ACTR3C: variants seen among roughly 807,000 people sequenced by gnomAD.
ACTR3C encodes actin related protein 3C, also known as actin-related protein 3C.
A neutral mutation model predicts 26.3 loss-of-function variants in ACTR3C; 18 were observed. That is an observed-to-expected ratio of 0.68 (90% CI 0.47 to 1.01). The LOEUF is 1.01. ACTR3C is among the 50% of genes least tolerant of loss of function. The pLI is 0.00. For missense variants in ACTR3C, 184 were observed against 250.7 expected, an observed-to-expected ratio of 0.73 and a Z score of 1.80; for synonymous variants, 55 against 94.5, an observed-to-expected ratio of 0.58 and a Z score of 2.42.
At chr7:150,039,553 G>GT in the ACTR3C span, among the ~76,000 whole-genome samples, 1 of 125,674 alleles carries the variant, frequency 8.0e-6, no homozygotes, top group Non-Finnish European at 1.8e-5. Flanking sequence ...CAGAGCCAGG[G>GT]GGGGAAGAGG....
chr7:150,291,117 C>T (rs145874205), intron 3 of ACTR3C, among the ~76,000 whole-genome samples: 8 of 151,880 alleles, frequency 5.3e-5, no homozygotes, highest in South Asian at 2.1e-4. Context: ...TGCATGCATG[C>T]GTGCACACAC....
At chr7:149,915,127 C>T in the ACTR3C span, among the ~76,000 whole-genome samples, 6 of 152,062 alleles carry the variant, frequency 3.9e-5, no homozygotes, top group Non-Finnish European at 8.8e-5. Context: ...CGATCCACCT[C>T]GGCCTCCCAA....
chr7:150,024,404 T>G, the ACTR3C span, among the ~76,000 whole-genome samples: 1 of 151,066 alleles, frequency 6.6e-6, no homozygotes, highest in Non-Finnish European at 1.5e-5. Context: ...AGCGTGTGGG[T>G]CCCCCGGCTC....
At chr7:150,145,276 C>T in the ACTR3C span, among the ~76,000 whole-genome samples, 17 of 152,192 alleles carry the variant, frequency 1.1e-4, no homozygotes, top group East Asian at 2.9e-3. Context: ...TGAAGGGCTC[C>T]CCTGGAGAGG....
In ACTR3C at chr7:150,279,656, C is replaced by T. The variant is rs546893911; in HGVS notation, c.564+5097G>A. ...CATCTGCCCACTCTCCTTCTATCTG[C>T]GCTCATTATCTTCCCTCCACCTGGC... On this transcript the variant is annotated intron_variant, in intron 6 of 7. Coordinates refer to ENST00000683684, the MANE Select transcript of ACTR3C (RefSeq NM_001164458.2). Among the ~76,000 whole-genome samples the T allele has an allele frequency of 5.3e-3, 813 of 152,170 alleles. 6 individuals carry two copies. The highest frequency in any genetic ancestry group is 0.018 in the African/African-American group (762 of 41,472).
the ACTR3C span, among the ~76,000 whole-genome samples, chr7:150,164,923 G>C: frequency 6.6e-6 from 1 of 152,156 alleles, no homozygotes; most frequent in African/African-American, 2.4e-5. Context: ...CGCTGGTTTT[G>C]GAATTGAGCT....
the ACTR3C span, among the ~76,000 whole-genome samples, chr7:150,026,835 A>G: frequency 6.6e-6 from 1 of 152,294 alleles, no homozygotes; most frequent in South Asian, 2.1e-4. Context: ...CCTTTTGCCA[A>G]TTAGCATGTC....
chr7:150,279,778 A>G (rs58431502), intron 6 of ACTR3C, among the ~76,000 whole-genome samples: 3,589 of 152,286 alleles, frequency 0.024, 131 homozygotes, highest in African/African-American at 0.082. Context: ...ATTAAATGCA[A>G]TCTGCCCCTT....
the ACTR3C span, among the ~76,000 whole-genome samples, chr7:150,107,672 T>C: frequency 1.3e-5 from 2 of 151,792 alleles, no homozygotes; most frequent in African/African-American, 2.4e-5. Flanking sequence ...AATGTGAATA[T>C]AGAATTACCA....
the ACTR3C span, among the ~76,000 whole-genome samples, chr7:150,116,654 A>C: frequency 1.1e-3 from 169 of 152,252 alleles, 1 homozygote; most frequent in Non-Finnish European, 6.8e-4. Context: ...GATACCCACA[A>C]ATTTGCTGTG....
At chr7:150,093,673 A>G in the ACTR3C span, among the ~76,000 whole-genome samples, 1 of 150,686 alleles carries the variant, frequency 6.6e-6, no homozygotes, top group Non-Finnish European at 1.5e-5. Context: ...CTAAACAACC[A>G]GTAGTTTGGG....
the ACTR3C span, among the ~76,000 whole-genome samples, chr7:150,178,575 C>T: frequency 6.7e-6 from 1 of 150,338 alleles, no homozygotes; most frequent in South Asian, 2.1e-4. Context: ...TGAGCCACTG[C>T]ACTCTGCCAG....
chr7:150,275,425 C>T (rs1834792504), intron 6 of ACTR3C, among the ~76,000 whole-genome samples: 1 of 152,206 alleles, frequency 6.6e-6, no homozygotes, highest in Non-Finnish European at 1.5e-5. Flanking sequence ...ACATAAACAG[C>T]GACAACCAGG....
At chr7:150,039,388 A>T in the ACTR3C span, among the ~76,000 whole-genome samples, 121 of 40,328 alleles carry the variant, frequency 3.0e-3, no homozygotes, top group Middle Eastern at 0.017. Context: ...GGTCCTAAGA[A>T]CCCGGGGGGG....
the ACTR3C span, among the ~76,000 whole-genome samples, chr7:150,039,363 C>G: frequency 4.0e-5 from 4 of 100,684 alleles, no homozygotes; most frequent in Admixed American, 1.2e-4. Flanking sequence ...GGTTGCCTCC[C>G]CCTCCTGCGA....
the ACTR3C span, among the ~76,000 whole-genome samples, chr7:150,207,242 C>T: frequency 6.6e-6 from 1 of 152,182 alleles, no homozygotes; most frequent in South Asian, 2.1e-4. Flanking sequence ...CCACACTGAC[C>T]ACTCTTTCCC....
At chr7:149,972,897 A>T in the ACTR3C span, among the ~76,000 whole-genome samples, 44 of 152,200 alleles carry the variant, frequency 2.9e-4, no homozygotes, top group African/African-American at 1.0e-3. Context: ...CGTGGGCGGC[A>T]TGTCTGTCCC....
At chr7:150,165,078 G>A in the ACTR3C span, among the ~76,000 whole-genome samples, 19 of 152,304 alleles carry the variant, frequency 1.2e-4, no homozygotes, top group African/African-American at 4.1e-4. Flanking sequence ...GCCGCACTCC[G>A]AAAGCCAAGC....
the ACTR3C span, among the ~76,000 whole-genome samples, chr7:149,911,858 A>C: frequency 1.3e-5 from 2 of 152,072 alleles, no homozygotes; most frequent in African/African-American, 4.8e-5. Context: ...ATCTTTGGGC[A>C]AGTTACTTTA....
Sources: gnomAD v4.1 joint callset for allele counts (sites outside exome capture counted in the v4.1 genomes callset) on GRCh38, gnomAD v4.1.1 for gene constraint, MANE v1.5 for transcripts, NCBI Gene and HGNC (gene_info 2026-07-23, HGNC 2026-07-21) for gene names.